NABP2: variants seen among roughly 807,000 people sequenced by gnomAD.
The protein encoded by NABP2 is nucleic acid binding protein 2.
A neutral mutation model predicts 22.7 loss-of-function variants in NABP2; 7 were observed. That is an observed-to-expected ratio of 0.31 (90% CI 0.18 to 0.58). The LOEUF (loss-of-function observed/expected upper bound fraction) is 0.58, where lower values mean the gene tolerates loss of function less well. Ranked by LOEUF, NABP2 falls within the 20% of genes least tolerant of loss-of-function variation. NABP2 has a pLI of 0.89. For synonymous variants in NABP2, 107 were observed against 99.2 expected (o/e 1.08, Z -0.47); for missense variants, 188 against 265.9 (o/e 0.71, Z 2.04).
Position 56,225,518 on chromosome 12 carries a change from C to G in NABP2, c.218+7C>G. 1 of 1,614,194 alleles carries G rather than the reference C, an allele frequency of 6.2e-7. No homozygotes were observed. The highest frequency in any genetic ancestry group is 2.2e-5 in the East Asian group (1 of 44,888). On this transcript the variant is annotated splice_region_variant and intron_variant, in intron 3 of 6. Coordinates refer to ENST00000267023, the MANE Select transcript of NABP2 (RefSeq NM_024068.4). The stretch of plus-strand genomic sequence containing the variant: ...TTATCCGGCTCACCAAAGGGTAAGT[C>G]AGCTGGTGACTTCTGGCCTTCCAAA...
chr12:56,224,530 C>A, intron 1 of NABP2, 89 bp downstream of exon 1: 1 of 1,154,634 alleles, frequency 8.7e-7, no homozygotes, highest in Non-Finnish European at 1.1e-6. Flanking sequence ...CAGTAAGATT[C>A]TACTCCCTGG....
At chr12:56,225,287 C>CA in intron 2 of NABP2, 86 bp from the exon 3 acceptor site, 1 of 1,559,040 alleles carries the variant, frequency 6.4e-7, no homozygotes, top group Non-Finnish European at 8.8e-7. Flanking sequence ...TCCCTCATTC[C>CA]ACCAATATCC....
rs1170712289 is a variant in NABP2 at position 56,229,279 on chromosome 12, C to T, written c.*66C>T. On this transcript the variant is annotated 3_prime_UTR_variant, in exon 7 of 7. Coordinates refer to ENST00000267023, the MANE Select transcript of NABP2 (RefSeq NM_024068.4). ...GTCCCCTGGAGAGCAAGATAGCCTT[C>T]CACTGATTGGCTGGTGTAGCAGTAT... The T allele has an allele frequency of 1.9e-6, 3 of 1,548,994 alleles. No individual in the cohort carries two copies. The African/African-American group carries it at 4.1e-5, about 21-fold the overall frequency.
At chr12:56,227,365 CTCTT>C (rs1442349580) in intron 6 of NABP2, among the ~76,000 whole-genome samples, 1 of 144,978 alleles carries the variant, frequency 6.9e-6, no homozygotes, top group Non-Finnish European at 1.5e-5. Flanking sequence ...GACAGTGAGA[CTCTT>C]TCTCAAAAAA....
At position 56,225,375 on chromosome 12, in the gene NABP2, C is replaced by T. The variant is rs1408207438; in HGVS notation, c.82C>T (p.Arg28Ter). ...NLIFIVLETG[R>*]VTKTKDGHEV... The stretch of plus-strand genomic sequence containing the variant: ...CTCGATTTATCTGTTCCGTTCAGGC[C>T]GAGTGACCAAGACAAAGGACGGGCA... The change falls in exon 3 of 7, where the codon CGA becomes TGA. Residue 28 changes from arginine to a stop codon, truncating the protein, a stop_gained and splice_region_variant. Coordinates refer to ENST00000267023, the MANE Select transcript of NABP2 (RefSeq NM_024068.4). LOFTEE classifies it high-confidence loss of function. The T allele has an allele frequency of 6.2e-7, 1 of 1,614,156 alleles. No individual in the cohort carries two copies. The highest frequency in any genetic ancestry group is 8.5e-7 in the Non-Finnish European group (1 of 1,180,024).
At position 56,225,696 on chromosome 12, in the gene NABP2, G is replaced by A; in HGVS notation, c.290+1G>A. ...GGGGTGATCTGCAGAAGATTGGAGAGTAAGTGCTGTCTTGGGGATTGGGAT... is the reference window on the plus strand; with the variant it reads ...GGGGTGATCTGCAGAAGATTGGAGAATAAGTGCTGTCTTGGGGATTGGGAT... On this transcript the variant is annotated splice_donor_variant, in intron 4 of 6. Transcript: ENST00000267023. LOFTEE classifies it high-confidence loss of function. 6.2e-7 allele frequency: 1 copy of A among 1,614,206 alleles called. No homozygotes were observed. The highest frequency in any genetic ancestry group is 8.5e-7 in the Non-Finnish European group (1 of 1,180,022).
chr12:56,229,299 C>A lies in NABP2; in HGVS notation c.*86C>A. The A allele has an allele frequency of 6.8e-7, 1 of 1,479,802 alleles. No homozygotes were observed. Among genetic ancestry groups the A allele is most frequent in the Non-Finnish European group, 9.3e-7 (1 of 1,074,008 alleles). 91.7% of individuals were successfully genotyped at this position (1,479,802 alleles called of 1,614,324 possible). A position where few individuals can be genotyped will look rare whatever the true frequency, so the allele number is the denominator to read the frequency against. The stretch of plus-strand genomic sequence containing the variant: ...GCCTTCCACTGATTGGCTGGTGTAG[C>A]AGTATTTTAGCCACTGAACTTCAGT... On this transcript the variant is annotated 3_prime_UTR_variant, in exon 7 of 7. Transcript: ENST00000267023.
At chr12:56,224,973 T>G (rs1592366732) in intron 2 of NABP2, 38 bp downstream of exon 2, 2,095 of 896,166 alleles carry the variant, frequency 2.3e-3, no homozygotes, top group Non-Finnish European at 3.3e-3. Flanking sequence ...GGGATGGGGG[T>G]CGGGGGCAGG....
chr12:56,223,906 A>G (rs926517801), upstream of NABP2, among the ~76,000 whole-genome samples: 1 of 152,104 alleles, frequency 6.6e-6, no homozygotes, highest in Non-Finnish European at 1.5e-5. Flanking sequence ...CCTCCAGCCT[A>G]TGCCTCCCTA....
At chr12:56,226,841 G>A (rs1178520383) in intron 6 of NABP2, among the ~76,000 whole-genome samples, 20 of 148,344 alleles carry the variant, frequency 1.3e-4, no homozygotes, top group African/African-American at 3.2e-4. Flanking sequence ...CTCCTGTCTC[G>A]GCCTCCTGAG....
upstream of NABP2, among the ~76,000 whole-genome samples, chr12:56,223,000 C>T (rs1255768319): frequency 1.1e-4 from 17 of 152,194 alleles, no homozygotes; most frequent in Non-Finnish European, 4.4e-5. Context: ...CTTTGGGAGA[C>T]CGAGGCTGGT....
chr12:56,228,883 TC>T (rs1489987335), intron 6 of NABP2, 130 bp from the exon 7 acceptor site: 2 of 811,994 alleles, frequency 2.5e-6, no homozygotes, highest in African/African-American at 3.4e-5. Context: ...TTGCATTTGG[TC>T]CAGTTGGCAT....
chr12:56,226,028 C>G, intron 4 of NABP2, 151 bp from the exon 5 acceptor site: 5 of 711,210 alleles, frequency 7.0e-6, no homozygotes, highest in Non-Finnish European at 1.2e-5. Flanking sequence ...TCCCAAACTC[C>G]TGGGCTGAAG....
chr12:56,222,349 A>T (rs1869527953), upstream of NABP2: 1 of 152,190 alleles, frequency 6.6e-6, no homozygotes, highest in South Asian at 2.1e-4. Flanking sequence ...GACTCCTGTC[A>T]TGGGAATGGA....
chr12:56,225,966 A>AT (rs1050906362), intron 4 of NABP2, among the ~76,000 whole-genome samples: 6 of 151,820 alleles, frequency 4.0e-5, no homozygotes, highest in African/African-American at 9.7e-5. Context: ...CACCCAGCTA[A>AT]TTTTTTTGTA....
chr12:56,224,554 T>A, intron 1 of NABP2, 113 bp downstream of exon 1: 1 of 1,209,692 alleles, frequency 8.3e-7, no homozygotes, highest in Non-Finnish European at 1.0e-6. Flanking sequence ...TGCACCGGGT[T>A]CCCTACCCCT....
upstream of NABP2, among the ~76,000 whole-genome samples, chr12:56,223,278 A>G (rs1200738813): frequency 6.6e-6 from 1 of 152,046 alleles, no homozygotes; most frequent in South Asian, 2.1e-4. Flanking sequence ...GAAGAGTAGT[A>G]TGGCCAGGTG....
At chr12:56,222,929 G>C (rs1204873252), upstream of NABP2, among the ~76,000 whole-genome samples, 2 of 152,172 alleles carry the variant, frequency 1.3e-5, no homozygotes, top group East Asian at 1.9e-4. Flanking sequence ...GCGGGACTCT[G>C]AGATAAGTAA....
At chr12:56,225,067 C>T in intron 2 of NABP2, 132 bp downstream of exon 2, 1 of 727,588 alleles carries the variant, frequency 1.4e-6, no homozygotes, top group Non-Finnish European at 2.3e-6. Context: ...CCAATCTCTT[C>T]GACCCTGGGA....
Sources: allele counts gnomAD v4.1 joint callset (sites outside exome capture counted in the v4.1 genomes callset), GRCh38; gene constraint gnomAD v4.1.1; transcripts MANE v1.5; gene names NCBI Gene and HGNC (gene_info 2026-07-23, HGNC 2026-07-21).